PYY: variants seen among roughly 807,000 people sequenced by gnomAD.
The protein encoded by PYY is peptide tyrosine tyrosine.
PYY carries 12 observed loss-of-function variants against 10.3 expected under a neutral mutation model. The ratio of observed to expected loss-of-function variants is 1.17; its 90% CI spans 0.75 to 1.89. The LOEUF is 1.89. PYY is among the 40% of genes most tolerant of loss of function. The pLI is 0.00. For missense variants in PYY, 141 were observed against 134.0 expected (o/e 1.05, Z -0.26); for synonymous variants, 66 against 62.0 (o/e 1.06, Z -0.30).
chr17:43,979,873 G>C (rs1329430651), intron 1 of PYY, among the ~76,000 whole-genome samples: 1 of 152,084 alleles, frequency 6.6e-6, no homozygotes, highest in African/African-American at 2.4e-5. Context: ...CCAAACGCTA[G>C]CTCCATAAAT....
intron 1 of PYY, among the ~76,000 whole-genome samples, chr17:43,992,477 G>A (rs935975928): frequency 6.6e-6 from 1 of 152,030 alleles, no homozygotes; most frequent in South Asian, 2.1e-4. Context: ...TTGGGAGGCC[G>A]AGGTGGGCGG....
chr17:43,983,378 T>TCC (rs2048895504), intron 1 of PYY, among the ~76,000 whole-genome samples: 1 of 152,206 alleles, frequency 6.6e-6, no homozygotes. Flanking sequence ...CCAGTGGCTC[T>TCC]CCTACCGCGG....
chr17:43,992,567 T>C (rs1195143597), intron 1 of PYY, among the ~76,000 whole-genome samples: 1 of 151,642 alleles, frequency 6.6e-6, no homozygotes, highest in Non-Finnish European at 1.5e-5. Flanking sequence ...ATTAGCCGGG[T>C]GTGGTGGTGC....
At chr17:43,969,314 T>C (rs1449535010) in intron 1 of PYY, among the ~76,000 whole-genome samples, 1 of 151,526 alleles carries the variant, frequency 6.6e-6, no homozygotes, top group African/African-American at 2.4e-5. Context: ...TCAGGAGTTC[T>C]AGACCAGCCT....
intron 2 of PYY, among the ~76,000 whole-genome samples, chr17:43,963,594 G>GA (rs1306911770): frequency 5.0e-5 from 4 of 79,218 alleles, no homozygotes; most frequent in African/African-American, 1.4e-4. Context: ...AAGAAAGAAA[G>GA]AAAGAAAGAA....
chr17:43,969,798 C>T (rs2048777831), intron 1 of PYY, among the ~76,000 whole-genome samples: 2 of 150,880 alleles, frequency 1.3e-5, no homozygotes, highest in Admixed American at 6.6e-5. Flanking sequence ...GACTGGAGTG[C>T]AGTGGCGCCA....
intron 1 of PYY, among the ~76,000 whole-genome samples, chr17:43,972,560 T>A (rs2048802263): frequency 6.7e-6 from 1 of 149,402 alleles, no homozygotes; most frequent in Admixed American, 6.7e-5. Flanking sequence ...TGAGACAGGA[T>A]CTCAATCACC....
At chr17:43,988,372 G>A (rs749791768) in intron 1 of PYY, among the ~76,000 whole-genome samples, 2 of 152,200 alleles carry the variant, frequency 1.3e-5, no homozygotes, top group Non-Finnish European at 2.9e-5. Context: ...AGCCTTGCCC[G>A]CACAAGCGTT....
intron 1 of PYY, among the ~76,000 whole-genome samples, chr17:43,974,094 T>G (rs2048813533): frequency 6.6e-6 from 1 of 152,138 alleles, no homozygotes; most frequent in Non-Finnish European, 1.5e-5. Flanking sequence ...CCCTTCCCAT[T>G]GCAATTTGCT....
chr17:43,984,017 G>T (rs1419239464), intron 1 of PYY, among the ~76,000 whole-genome samples: 1 of 152,220 alleles, frequency 6.6e-6, no homozygotes, highest in Non-Finnish European at 1.5e-5. Context: ...CCGGAACCAC[G>T]GCCGCGCCGC....
chr17:43,997,331 G>A (rs142459462), intron 1 of PYY, among the ~76,000 whole-genome samples: 3 of 152,252 alleles, frequency 2.0e-5, no homozygotes, highest in Non-Finnish European at 2.9e-5. Flanking sequence ...GAGCCACTGC[G>A]CCTGGCCGGG....
At chr17:44,000,412 A>G (rs571235050) in intron 1 of PYY, among the ~76,000 whole-genome samples, 8 of 151,756 alleles carry the variant, frequency 5.3e-5, no homozygotes, top group South Asian at 2.1e-4. Flanking sequence ...CACTGTCAAG[A>G]GGTCTGTGCT....
In PYY at chr17:43,975,743, TATAC is replaced by T. The variant is rs1233549774; in HGVS notation, c.-462-9215_-462-9212del. ...AAAAAAAAATATATATATATATATA[TATAC>T]ACACACACACACATATATATATACA... On this transcript the variant is annotated intron_variant, in intron 1 of 6. Coordinates refer to the PYY transcript ENST00000360085. Among the ~76,000 whole-genome samples, 14 of 117,430 alleles carry T rather than the reference TATAC, an allele frequency of 1.2e-4. 1 individual carries two copies. Among genetic ancestry groups the T allele is most frequent in the African/African-American group, 5.4e-4 (14 of 26,138 alleles). 77.0% of individuals were successfully genotyped at this position (117,430 alleles called of 152,430 possible).
chr17:43,953,615 G>A (rs2048651350), intron 1 of PYY, 132 bp from the exon 2 acceptor site: 1 of 858,518 alleles, frequency 1.2e-6, no homozygotes, highest in Non-Finnish European at 1.7e-6. Context: ...CAGCCACCGG[G>A]CTTGCTGTGT....
At position 43,953,279 on chromosome 17, in the gene PYY, T is replaced by C. The variant is rs1377462212; in HGVS notation, c.188+17A>G. 8 of 1,597,800 alleles carry C rather than the reference T, an allele frequency of 5.0e-6. No individual in the cohort carries two copies. Among genetic ancestry groups the C allele is most frequent in the Admixed American group, 3.4e-5 (2 of 58,660 alleles). On this transcript the variant is annotated intron_variant, in intron 2 of 3. Coordinates refer to ENST00000692052, the MANE Select transcript of PYY (RefSeq NM_001394028.1). ...AGGGTGAGAGCCCCAGGGGTCCCGC[T>C]CCGCGCCTGCGCTCACCGCTGCCGG... is the stretch of plus-strand genomic sequence containing the variant.
At chr17:43,966,355 C>T (rs1047678919) in exon 2 of PYY, 5 of 153,094 alleles carry the variant, frequency 3.3e-5, no homozygotes, top group African/African-American at 1.2e-4. Flanking sequence ...ATGGTATCTC[C>T]ATCTCTTCAG....
intron 2 of PYY, among the ~76,000 whole-genome samples, chr17:43,964,521 C>T (rs1177725882): frequency 6.6e-6 from 1 of 152,216 alleles, no homozygotes; most frequent in Non-Finnish European, 1.5e-5. Context: ...GAGGCCAAGG[C>T]AGGCGGATCA....
chr17:44,002,155 G>C (rs1050805460), intron 1 of PYY, among the ~76,000 whole-genome samples: 10 of 152,148 alleles, frequency 6.6e-5, no homozygotes, highest in Non-Finnish European at 1.2e-4. Context: ...ACTCAATGAG[G>C]AGGTCCTATG....
intron 1 of PYY, among the ~76,000 whole-genome samples, chr17:44,001,956 C>A (rs1046486003): frequency 6.6e-6 from 1 of 152,092 alleles, no homozygotes; most frequent in African/African-American, 2.4e-5. Flanking sequence ...AACTATTATG[C>A]CCCTGGAGGC....
Sources: allele counts gnomAD v4.1 joint callset (sites outside exome capture counted in the v4.1 genomes callset), GRCh38; gene constraint gnomAD v4.1.1; transcripts MANE v1.5; gene names NCBI Gene and HGNC (gene_info 2026-07-23, HGNC 2026-07-21).